AUTS2: variants seen among roughly 807,000 people sequenced by gnomAD.
AUTS2 encodes the protein autism susceptibility gene 2 protein.
Under a neutral mutation model 112.4 loss-of-function variants are expected in AUTS2, and 17 were observed. That is an observed-to-expected ratio of 0.15 (90% confidence interval 0.10 to 0.23). The LOEUF (loss-of-function observed/expected upper bound fraction) is 0.23, where lower values mean the gene tolerates loss of function less well. Ranked by LOEUF, AUTS2 falls within the 10% of genes least tolerant of loss-of-function variation. AUTS2 has a pLI of 1.00. For missense variants in AUTS2, 1,510 were observed against 1,701.6 expected (o/e 0.89, Z 1.98); for synonymous variants, 751 against 702.7 (o/e 1.07, Z -1.09).
At chr7:70,282,172 A>G (rs1788248820) in intron 4 of AUTS2, among the ~76,000 whole-genome samples, 2 of 152,178 alleles carry the variant, frequency 1.3e-5, no homozygotes, top group African/African-American at 4.8e-5. Context: ...CCTATTAAAA[A>G]AAGATGACTG....
At chr7:69,881,415 G>C (rs1013102134) in intron 1 of AUTS2, among the ~76,000 whole-genome samples, 2 of 151,734 alleles carry the variant, frequency 1.3e-5, no homozygotes, top group Non-Finnish European at 2.9e-5. Context: ...GGCCTTGTAG[G>C]TAATATTTTC....
intron 4 of AUTS2, among the ~76,000 whole-genome samples, chr7:70,435,450 G>T (rs896386917): frequency 2.0e-5 from 3 of 152,202 alleles, no homozygotes; most frequent in Non-Finnish European, 2.9e-5. Context: ...TGCCATGGTG[G>T]GAGGGAAGCG....
chr7:70,528,702 G>C (rs1799957655), intron 5 of AUTS2, among the ~76,000 whole-genome samples: 1 of 151,984 alleles, frequency 6.6e-6, no homozygotes, highest in Non-Finnish European at 1.5e-5. Flanking sequence ...CGTGAGCCCA[G>C]GAGATCGAGG....
At chr7:70,536,560 T>G (rs925912064) in intron 5 of AUTS2, among the ~76,000 whole-genome samples, 1 of 135,222 alleles carries the variant, frequency 7.4e-6, no homozygotes, top group Non-Finnish European at 1.5e-5. Flanking sequence ...GCTGATATGC[T>G]AGAAGCCAAG....
chr7:70,714,886 T>C (rs998746966), intron 6 of AUTS2, among the ~76,000 whole-genome samples: 1 of 152,246 alleles, frequency 6.6e-6, no homozygotes, highest in Non-Finnish European at 1.5e-5. Context: ...GTTTTAGTGA[T>C]GTCAAAATTA....
At chr7:70,775,928 G>A (rs528171048) in intron 13 of AUTS2, among the ~76,000 whole-genome samples, 81 of 152,196 alleles carry the variant, frequency 5.3e-4, no homozygotes, top group Non-Finnish European at 1.1e-3. Flanking sequence ...GAATCCTGGT[G>A]GTTGGGGGTA....
Position 70,486,904 on chromosome 7 carries a change from C to CT in AUTS2, c.690+51123_690+51124insT, listed in dbSNP as rs1223286614. On this transcript the variant is annotated intron_variant, in intron 5 of 18. Transcript: ENST00000342771. ...GTTTTGTTGTTTTTGTATTCCCCCC[C>CT]CCCCAAAAAAAAAGAAGAAAAGGTT... Among the ~76,000 whole-genome samples, 9 of 117,562 alleles carry CT rather than the reference C, an allele frequency of 7.7e-5. No individual in the cohort carries two copies. The South Asian group carries it at 1.5e-3, about 19-fold the overall frequency. 77.1% of individuals were successfully genotyped at this position (117,562 alleles called of 152,430 possible). A position where few individuals can be genotyped will look rare whatever the true frequency, so the allele number is the denominator to read the frequency against.
chr7:69,908,231 G>C (rs1167516244), intron 2 of AUTS2, among the ~76,000 whole-genome samples: 4 of 152,128 alleles, frequency 2.6e-5, no homozygotes, highest in Non-Finnish European at 4.4e-5. Context: ...ACCCCTTGCT[G>C]TACTTAACCC....
chr7:69,638,303 AC>A (rs1794643513), intron 1 of AUTS2, among the ~76,000 whole-genome samples: 1 of 152,240 alleles, frequency 6.6e-6, no homozygotes, highest in Admixed American at 6.5e-5. Context: ...GGCGTGAGCC[AC>A]TGTGCTTAGC....
chr7:70,053,705 A>G lies in AUTS2; in HGVS notation c.523-64427A>G, dbSNP rs1331608353. Among the ~76,000 whole-genome samples, 3 of 152,014 alleles carry G rather than the reference A, an allele frequency of 2.0e-5. No individual in the cohort carries two copies. In the East Asian group the frequency reaches 5.8e-4, roughly 30 times the overall value. On this transcript the variant is annotated intron_variant, in intron 2 of 18. Coordinates refer to ENST00000342771, the MANE Select transcript of AUTS2 (RefSeq NM_015570.4). ...CAGGCATGCACCACCACAGTCAGCT[A>G]GTTTATTATTTTTATTTTTGTAAAG...
intron 1 of AUTS2, among the ~76,000 whole-genome samples, chr7:69,613,941 A>T (rs1793180666): frequency 6.6e-6 from 1 of 152,170 alleles, no homozygotes; most frequent in East Asian, 1.9e-4. Flanking sequence ...TCATTATTCT[A>T]AGCAGATTTG....
Position 70,789,764 on chromosome 7 carries a change from A to G in AUTS2, c.2548A>G (p.Arg850Gly), listed in dbSNP as rs747549575. 3 of 1,612,800 alleles carry G rather than the reference A, an allele frequency of 1.9e-6. No individual in the cohort carries two copies. The highest frequency in any genetic ancestry group is 1.7e-5 in the Admixed American group (1 of 59,890). The change falls in exon 19 of 19, where the codon AGA becomes GGA. Residue 850 changes from arginine to glycine, a missense_variant. By Grantham distance (125) the Arg-to-Gly change is moderately radical. Around this residue, in one of 3 missense-constraint regions of AUTS2, gnomAD observed 788 missense variants for 797.6 expected, o/e 0.99. Transcript: ENST00000342771. ...CTCCCCCAGGGAAAGCGTCGAGAAG[A>G]GACACTCCAGCCACCCTTCACCAGC... Reference protein sequence around the residue: ...DDKERESVEKRHSSHPSPAPV... With the variant: ...DDKERESVEKGHSSHPSPAPV...
rs117137292 is a variant in AUTS2 at position 69,651,148 on chromosome 7, G to T, written c.309+51186G>T. Among the ~76,000 whole-genome samples the T allele has an allele frequency of 5.4e-3, 828 of 152,344 alleles. 4 individuals are homozygous for T. Among genetic ancestry groups the T allele is most frequent in the Non-Finnish European group, 9.5e-3 (644 of 68,032 alleles). ...TTGCCCTAGTAGTGTCGTGAGGACT[G>T]CCTGGGCGTGACTGGTCTGAGACAG... On this transcript the variant is annotated intron_variant, in intron 1 of 18. Coordinates refer to ENST00000342771, the MANE Select transcript of AUTS2 (RefSeq NM_015570.4).
At chr7:70,213,442 T>G (rs1343370212) in intron 4 of AUTS2, among the ~76,000 whole-genome samples, 2 of 150,678 alleles carry the variant, frequency 1.3e-5, no homozygotes, top group Non-Finnish European at 2.9e-5. Context: ...AGGAGGATCA[T>G]GGATCACTGG....
chr7:70,694,966 C>T lies in AUTS2; in HGVS notation c.691-3603C>T. 6.6e-6 allele frequency: 1 copy of T among 152,554 alleles called. No individual in the cohort carries two copies. The highest frequency in any genetic ancestry group is 1.5e-5 in the Non-Finnish European group (1 of 68,264). 9.5% of individuals were successfully genotyped at this position (152,554 alleles called of 1,614,324 possible). ...TGGTGGTTTCCCCCCTGGTCTTTGA[C>T]GATCGCCCTTCGGGAGCCCTGCTAA... On this transcript the variant is annotated intron_variant, in intron 5 of 18. Transcript: ENST00000342771. This position sits in a 1 kb window ranked among gnomAD's most constrained non-coding sequence, Gnocchi z 4.1.
chr7:70,290,899 C>T (rs542195881), intron 4 of AUTS2: 120 of 156,368 alleles, frequency 7.7e-4, no homozygotes, highest in African/African-American at 2.5e-3. Context: ...TTAAAATAAC[C>T]GTGCTACCTC....
intron 2 of AUTS2, among the ~76,000 whole-genome samples, chr7:69,986,042 C>A (rs1422708460): frequency 6.6e-6 from 1 of 152,226 alleles, no homozygotes; most frequent in Non-Finnish European, 1.5e-5. Flanking sequence ...GGATTTTAGG[C>A]ATGAGCCACC....
chr7:69,762,427 C>T (rs1051838099), intron 1 of AUTS2, among the ~76,000 whole-genome samples: 1 of 151,694 alleles, frequency 6.6e-6, no homozygotes, highest in African/African-American at 2.4e-5. Flanking sequence ...CCACCTCAGC[C>T]TCCCAGGTAG....
intron 1 of AUTS2, among the ~76,000 whole-genome samples, chr7:69,692,352 A>G (rs561945305): frequency 3.9e-5 from 6 of 152,088 alleles, no homozygotes; most frequent in African/African-American, 1.4e-4. Context: ...TTTTAAGGTC[A>G]CTCTTCTGCT....
Sources: allele counts gnomAD v4.1 joint callset (sites outside exome capture counted in the v4.1 genomes callset), GRCh38; gene constraint gnomAD v4.1.1; regional missense constraint gnomAD v4.1.1; non-coding constraint Gnocchi (gnomAD v3.1); transcripts MANE v1.5; gene names NCBI Gene and HGNC (gene_info 2026-07-23, HGNC 2026-07-21).